The following CNTN3 variants were observed in gnomAD, a reference collection of about 807,000 sequenced individuals.
CNTN3 encodes contactin 3.
Under a neutral mutation model 119.1 loss-of-function variants are expected in CNTN3, and 60 were observed. The ratio of observed to expected loss-of-function variants is 0.50; its 90% CI spans 0.41 to 0.62. CNTN3 has a LOEUF of 0.62. CNTN3 is among the 20% of genes least tolerant of loss of function. The pLI, the probability that CNTN3 is intolerant of heterozygous loss-of-function variation, is 0.00. For missense variants in CNTN3, 1,101 were observed against 1,242.4 expected (o/e 0.89, Z 1.71); for synonymous variants, 450 against 438.7 (o/e 1.03, Z -0.32).
chr3:74,452,539 C>T (rs1474160031), intron 4 of CNTN3, among the ~76,000 whole-genome samples: 1 of 140,660 alleles, frequency 7.1e-6, no homozygotes, highest in African/African-American at 2.7e-5. Flanking sequence ...CTGGCCAGAA[C>T]TTCCAACACT....
chr3:74,464,673 A>G (rs1702430741), intron 4 of CNTN3, among the ~76,000 whole-genome samples: 1 of 152,190 alleles, frequency 6.6e-6, no homozygotes, highest in Non-Finnish European at 1.5e-5. Flanking sequence ...AGTTTGTGGC[A>G]TAATATTTTA....
At chr3:74,455,418 A>C (rs1313244321) in intron 4 of CNTN3, among the ~76,000 whole-genome samples, 1 of 151,802 alleles carries the variant, frequency 6.6e-6, no homozygotes, top group Non-Finnish European at 1.5e-5. Flanking sequence ...ATTTTTTTCA[A>C]AGTTTTTAAC....
chr3:74,450,084 G>A (rs1320877642), intron 4 of CNTN3, among the ~76,000 whole-genome samples: 2 of 152,052 alleles, frequency 1.3e-5, no homozygotes, highest in African/African-American at 2.4e-5. Flanking sequence ...CCTTTGCTGG[G>A]AGGCTAATGA....
At chr3:74,418,957 A>T (rs1559592318) in intron 5 of CNTN3, among the ~76,000 whole-genome samples, 1 of 144,582 alleles carries the variant, frequency 6.9e-6, no homozygotes, top group Non-Finnish European at 1.5e-5. Context: ...TGCCTGGATA[A>T]TTTTTTTTTT....
intron 11 of CNTN3, among the ~76,000 whole-genome samples, chr3:74,360,076 G>C (rs1704044504): frequency 2.6e-5 from 4 of 152,166 alleles, no homozygotes; most frequent in Non-Finnish European, 5.9e-5. Flanking sequence ...TGCTGTGTCT[G>C]CCTTTTAATG....
intron 2 of CNTN3, among the ~76,000 whole-genome samples, chr3:74,511,571 G>A (rs1278898255): frequency 6.6e-6 from 1 of 152,084 alleles, no homozygotes; most frequent in Non-Finnish European, 1.5e-5. Context: ...TGGGAGGGCT[G>A]AAGCCAGGGG....
chr3:74,602,886 T>A (rs73839610), intron 1 of CNTN3, among the ~76,000 whole-genome samples: 2,558 of 152,222 alleles, frequency 0.017, 73 homozygotes, highest in African/African-American at 0.058. Flanking sequence ...CCCTCACTAA[T>A]GTGAACAGAA....
chr3:74,474,435 G>C (rs900648831), intron 4 of CNTN3, among the ~76,000 whole-genome samples: 13 of 152,136 alleles, frequency 8.5e-5, no homozygotes, highest in Non-Finnish European at 1.8e-4. Context: ...GTCAAGCTGG[G>C]AAATATAAAT....
rs1024354378 is a variant in CNTN3, at chr3:74,286,398, T to TA, written c.2518-908dup. ...ATCTACTATGCAATGACAGAAGATT[T>TA]AAAAAAAATCAGATTTGAAAAATAA... is the stretch of plus-strand genomic sequence containing the variant. On this transcript the variant is annotated intron_variant, in intron 19 of 22. Coordinates refer to ENST00000263665, the MANE Select transcript of CNTN3 (RefSeq NM_020872.3). 1.1e-4 allele frequency among the ~76,000 whole-genome samples: 16 copies of TA among 151,898 alleles called. No individual in the cohort carries two copies. The South Asian group carries it at 2.7e-3, about 26-fold the overall frequency.
chr3:74,438,974 C>A (rs1575725948), intron 4 of CNTN3, among the ~76,000 whole-genome samples: 2 of 152,180 alleles, frequency 1.3e-5, no homozygotes. Context: ...CTTCACCCTG[C>A]AACAACTTAG....
At chr3:74,443,448 C>A (rs1211924665) in intron 4 of CNTN3, among the ~76,000 whole-genome samples, 3 of 152,206 alleles carry the variant, frequency 2.0e-5, no homozygotes, top group African/African-American at 7.2e-5. Flanking sequence ...TTCTTACACA[C>A]TTGTCCAATC....
intron 13 of CNTN3, among the ~76,000 whole-genome samples, chr3:74,320,636 T>A (rs909118234): frequency 6.6e-6 from 1 of 151,658 alleles, no homozygotes; most frequent in Non-Finnish European, 1.5e-5. Context: ...ATAATAACAA[T>A]AAAATAAAAA....
At chr3:74,497,077 C>G (rs1390096241) in intron 3 of CNTN3, among the ~76,000 whole-genome samples, 2 of 151,926 alleles carry the variant, frequency 1.3e-5, no homozygotes, top group East Asian at 3.9e-4. Flanking sequence ...CCTTAATATT[C>G]CTCCTTGGCT....
chr3:74,327,105 CCTTTT>C (rs745308873), intron 13 of CNTN3, among the ~76,000 whole-genome samples: 2,213 of 90,632 alleles, frequency 0.024, 7 homozygotes, highest in Middle Eastern at 0.054. Flanking sequence ...AAGGGTTAAT[CCTTTT>C]TTTTTTTTTT....
intron 1 of CNTN3, among the ~76,000 whole-genome samples, chr3:74,526,389 A>G (rs1260850368): frequency 6.6e-6 from 1 of 151,740 alleles, no homozygotes; most frequent in Non-Finnish European, 1.5e-5. Context: ...GTTAATGAGT[A>G]TACTGGCTTG....
chr3:74,353,092 A>C (rs554304911), intron 11 of CNTN3, among the ~76,000 whole-genome samples: 126 of 152,290 alleles, frequency 8.3e-4, no homozygotes, highest in African/African-American at 2.3e-3. Flanking sequence ...AAGGGGAAAG[A>C]GATGGAGAGA....
At chr3:74,459,563 C>T (rs1446146199) in intron 4 of CNTN3, among the ~76,000 whole-genome samples, 2 of 151,990 alleles carry the variant, frequency 1.3e-5, no homozygotes, top group African/African-American at 2.4e-5. Flanking sequence ...AGGGTTCAAA[C>T]ATTAAACTTC....
At chr3:74,606,246 T>C (rs938447566) in intron 1 of CNTN3, among the ~76,000 whole-genome samples, 1 of 152,016 alleles carries the variant, frequency 6.6e-6, no homozygotes, top group South Asian at 2.1e-4. Context: ...AAGAAGAGAT[T>C]GAGTAACTTT....
At chr3:74,391,164 C>G (rs537543093) in intron 5 of CNTN3, among the ~76,000 whole-genome samples, 72 of 152,292 alleles carry the variant, frequency 4.7e-4, no homozygotes, top group Non-Finnish European at 7.5e-4. Flanking sequence ...CCCCCAGGAT[C>G]ATCTATGCTT....
Sources: allele counts gnomAD v4.1 joint callset (sites outside exome capture counted in the v4.1 genomes callset), GRCh38; gene constraint gnomAD v4.1.1; transcripts MANE v1.5; gene names NCBI Gene and HGNC (gene_info 2026-07-23, HGNC 2026-07-21).